SLC24A2: variants seen among roughly 807,000 people sequenced by gnomAD.
SLC24A2 encodes sodium/potassium/calcium exchanger 2.
In SLC24A2, 36 loss-of-function variants were observed where a neutral mutation model predicts 62.0. That is an observed-to-expected ratio of 0.58 (90% CI 0.44 to 0.77). The LOEUF (loss-of-function observed/expected upper bound fraction) is 0.77. Among genes scored for constraint, SLC24A2 ranks in the 30% least tolerant of loss-of-function variants. The pLI is 0.00. For synonymous variants in SLC24A2, 358 were observed against 294.0 expected, an observed-to-expected ratio of 1.22 and a Z score of -2.23; for missense variants, 846 against 817.9, an observed-to-expected ratio of 1.03 and a Z score of -0.42.
the SLC24A2 span, among the ~76,000 whole-genome samples, chr9:20,083,720 G>A: frequency 5.3e-5 from 8 of 152,200 alleles, no homozygotes; most frequent in Middle Eastern, 3.4e-3. Flanking sequence ...ACAACTCTTC[G>A]AAAGATGACT....
the SLC24A2 span, among the ~76,000 whole-genome samples, chr9:20,096,635 T>C: frequency 1.3e-5 from 2 of 152,212 alleles, no homozygotes; most frequent in Non-Finnish European, 2.9e-5. Flanking sequence ...TTCCAAATAA[T>C]TTCCTGGTTG....
rs1823189488 is a variant in SLC24A2, at chr9:19,786,805, A to G, written c.62T>C (p.Leu21Pro). ...SLEKWCLDESLSGCRRHYSVK... is the reference protein window; with the variant it reads ...SLEKWCLDESPSGCRRHYSVK... Reference sequence around the variant, plus strand: ...ACTATAATGTCTTCTGCAGCCAGACAGTGACTCATCCAAACACCATTTCTC... The same window carrying G: ...ACTATAATGTCTTCTGCAGCCAGACGGTGACTCATCCAAACACCATTTCTC... The change falls in exon 2 of 11, where the codon CTG (leucine) becomes CCG (proline). Residue 21 changes from leucine (L) to proline (P), a missense_variant. Physicochemically the swap from Leu to Pro is moderately conservative, Grantham distance 98. Coordinates refer to ENST00000341998, the MANE Select transcript of SLC24A2 (RefSeq NM_020344.4). The surrounding 1 kb of genome is among the most constrained non-coding windows in gnomAD (Gnocchi z 5.0). 1.9e-6 allele frequency: 3 copies of G among 1,611,392 alleles called. No individual in the cohort carries two copies. Among genetic ancestry groups the G allele is most frequent in the Middle Eastern group, 1.7e-4 (1 of 6,038 alleles).
the SLC24A2 span, among the ~76,000 whole-genome samples, chr9:20,296,842 C>T: frequency 2.0e-5 from 3 of 152,270 alleles, no homozygotes; most frequent in African/African-American, 7.2e-5. Flanking sequence ...CTGTTATGCT[C>T]TCATGACTGT....
At chr9:19,941,938 A>G in the SLC24A2 span, among the ~76,000 whole-genome samples, 2 of 152,182 alleles carry the variant, frequency 1.3e-5, no homozygotes, top group Admixed American at 6.5e-5. Flanking sequence ...TATGTATACA[A>G]TAAGGATTTC....
At chr9:19,957,973 G>A in the SLC24A2 span, 1 of 152,832 alleles carries the variant, frequency 6.5e-6, no homozygotes, top group East Asian at 1.9e-4. Context: ...AATTCATGAT[G>A]ACAATGGTAG....
chr9:19,626,603 C>T (rs1818042181), intron 2 of SLC24A2, among the ~76,000 whole-genome samples: 1 of 152,116 alleles, frequency 6.6e-6, no homozygotes, highest in Non-Finnish European at 1.5e-5. Flanking sequence ...TAAACTTAAA[C>T]ATATTATTTT....
chr9:20,052,712 C>A, the SLC24A2 span, among the ~76,000 whole-genome samples: 12 of 152,246 alleles, frequency 7.9e-5, no homozygotes, highest in South Asian at 2.5e-3. Context: ...GGATCCTGGG[C>A]ATCATAAGAT....
At chr9:20,155,168 G>A in the SLC24A2 span, among the ~76,000 whole-genome samples, 8 of 151,320 alleles carry the variant, frequency 5.3e-5, no homozygotes, top group Admixed American at 1.3e-4. Context: ...AAAAACTAGG[G>A]TGGCAATTAG....
At chr9:20,138,376 A>AT in the SLC24A2 span, among the ~76,000 whole-genome samples, 1 of 152,164 alleles carries the variant, frequency 6.6e-6, no homozygotes, top group Non-Finnish European at 1.5e-5. Flanking sequence ...TTTAAGAGCC[A>AT]TTTGTTTTCC....
At chr9:20,214,183 A>G in the SLC24A2 span, among the ~76,000 whole-genome samples, 6 of 152,348 alleles carry the variant, frequency 3.9e-5, no homozygotes, top group African/African-American at 1.4e-4. Context: ...TCACAGAATC[A>G]AAGAGTGGCA....
In SLC24A2 at chr9:19,514,191, C is replaced by T. The variant is rs139901447; in HGVS notation, c.*1962G>A. The T allele has an allele frequency of 6.6e-6, 1 of 152,304 alleles. No individual in the cohort carries two copies. The highest frequency in any genetic ancestry group is 1.9e-4 in the East Asian group (1 of 5,180). The allele number at this position is 152,304 out of a possible 1,614,324, so 9.4% of individuals were successfully genotyped here. On this transcript the variant is annotated 3_prime_UTR_variant, in exon 11 of 11. Transcript: ENST00000341998. ...GCTCTGTGGGGTGAGCTGAGGTTTT[C>T]TGGAAGGAATACTGAGCTTGATCTG...
chr9:19,541,256 C>G (rs1169794847), intron 8 of SLC24A2, among the ~76,000 whole-genome samples: 9 of 136,794 alleles, frequency 6.6e-5, no homozygotes, highest in Non-Finnish European at 9.6e-5. Flanking sequence ...TGAGGAACTG[C>G]GTTCCTTTGG....
chr9:19,915,398 G>T, the SLC24A2 span, among the ~76,000 whole-genome samples: 4 of 151,950 alleles, frequency 2.6e-5, no homozygotes, highest in African/African-American at 9.7e-5. Context: ...TGAACATTCC[G>T]GTACAAGCTT....
chr9:19,791,442 C>G (rs565500330), upstream of SLC24A2, among the ~76,000 whole-genome samples: 1 of 152,296 alleles, frequency 6.6e-6, no homozygotes, highest in African/African-American at 2.4e-5. Flanking sequence ...TCAGGGCTCT[C>G]TTAGTAAGGG....
At chr9:19,703,625 A>G (rs538358784) in intron 2 of SLC24A2, among the ~76,000 whole-genome samples, 6 of 152,082 alleles carry the variant, frequency 3.9e-5, no homozygotes, top group African/African-American at 1.4e-4. Flanking sequence ...CAAGATTAAA[A>G]CTCTTGTGTT....
At chr9:20,234,888 G>A in the SLC24A2 span, among the ~76,000 whole-genome samples, 4 of 152,104 alleles carry the variant, frequency 2.6e-5, no homozygotes, top group African/African-American at 4.8e-5. Flanking sequence ...TGATGGTGAC[G>A]TACAGATGGG....
the SLC24A2 span, among the ~76,000 whole-genome samples, chr9:20,133,707 C>T: frequency 6.6e-6 from 1 of 152,126 alleles, no homozygotes; most frequent in Non-Finnish European, 1.5e-5. Flanking sequence ...CTCAACATCA[C>T]TTACCCAACT....
chr9:19,943,725 G>A, the SLC24A2 span, among the ~76,000 whole-genome samples: 2 of 152,150 alleles, frequency 1.3e-5, no homozygotes, highest in South Asian at 2.1e-4. Flanking sequence ...TTTCATCAGT[G>A]TCTCAAATAA....
chr9:19,579,794 T>A (rs574179189), intron 5 of SLC24A2, among the ~76,000 whole-genome samples: 1 of 152,244 alleles, frequency 6.6e-6, no homozygotes, highest in East Asian at 1.9e-4. Flanking sequence ...ATAAGAATCT[T>A]TTCAGAGTTT....
Sources: allele counts gnomAD v4.1 joint callset (sites outside exome capture counted in the v4.1 genomes callset), GRCh38; gene constraint gnomAD v4.1.1; non-coding constraint Gnocchi (gnomAD v3.1); transcripts MANE v1.5; gene names NCBI Gene and HGNC (gene_info 2026-07-23, HGNC 2026-07-21).